Variants in ITPR2 observed in about 807,000 individuals in gnomAD.
ITPR2 encodes the protein inositol 1,4,5-trisphosphate-gated calcium channel ITPR2.
Under a neutral mutation model 317.1 loss-of-function variants are expected in ITPR2, and 207 were observed. That is an observed-to-expected ratio of 0.65 (90% CI 0.58 to 0.73). ITPR2 has a LOEUF of 0.73. Among genes scored for constraint, ITPR2 ranks in the 30% least tolerant of loss-of-function variants. The probability of loss-of-function intolerance (pLI) is 0.00; values close to 1 mark genes in which losing one functional copy is unlikely to be tolerated. For missense variants in ITPR2, 2,613 were observed against 3,284.0 expected, an observed-to-expected ratio of 0.80 and a Z score of 4.99; for synonymous variants, 1,156 against 1,149.1, an observed-to-expected ratio of 1.01 and a Z score of -0.12.
At position 26,489,668 on chromosome 12, in the gene ITPR2, T is replaced by C. The variant is rs189589833; in HGVS notation, c.5371-2417A>G. The stretch of plus-strand genomic sequence containing the variant: ...TCCTTATTGCTATCATTAGGTTCCA[T>C]TTGAAATTGTAATATAAGTACCTCC... On this transcript the variant is annotated intron_variant, in intron 39 of 56. Coordinates refer to ENST00000381340, the MANE Select transcript of ITPR2 (RefSeq NM_002223.4). 2.0e-5 allele frequency among the ~76,000 whole-genome samples: 3 copies of C among 152,326 alleles called. No individual in the cohort carries two copies. In the East Asian group the frequency reaches 5.8e-4, roughly 29 times the overall value.
chr12:26,371,934 T>C (rs1939201020), intron 55 of ITPR2, among the ~76,000 whole-genome samples: 2 of 152,178 alleles, frequency 1.3e-5, no homozygotes, highest in Admixed American at 6.5e-5. Context: ...AATCACATAA[T>C]TCCTCTACAT....
At chr12:26,821,250 C>A (rs578200717) in intron 1 of ITPR2, among the ~76,000 whole-genome samples, 2 of 152,320 alleles carry the variant, frequency 1.3e-5, no homozygotes, top group East Asian at 3.9e-4. Flanking sequence ...TTCTCCCATA[C>A]CACACTGCCC....
At chr12:26,516,315 A>AGGAAAGGAAAGGAAG (rs1943513297) in intron 37 of ITPR2, among the ~76,000 whole-genome samples, 6 of 137,756 alleles carry the variant, frequency 4.4e-5, no homozygotes, top group South Asian at 5.0e-4. Context: ...AGGAAAGGAA[A>AGGAAAGGAAAGGAAG]GGAAAGGAAA....
At chr12:26,367,578 G>T (rs556224556) in intron 55 of ITPR2, among the ~76,000 whole-genome samples, 1 of 152,136 alleles carries the variant, frequency 6.6e-6, no homozygotes, top group Non-Finnish European at 1.5e-5. Context: ...AACCTTTAAC[G>T]CAGATAGGGA....
intron 45 of ITPR2, among the ~76,000 whole-genome samples, chr12:26,445,409 C>T (rs1375458804): frequency 2.0e-5 from 3 of 151,962 alleles, no homozygotes; most frequent in African/African-American, 7.3e-5. Flanking sequence ...AGTGAGATCA[C>T]CTAAAAGTGA....
chr12:26,497,315 A>G (rs61914031), intron 37 of ITPR2, among the ~76,000 whole-genome samples: 105,187 of 151,396 alleles, frequency 0.69, 38,340 homozygotes, highest in Non-Finnish European at 0.83. Flanking sequence ...CACCACACCC[A>G]GCTAATTTTT....
intron 55 of ITPR2, among the ~76,000 whole-genome samples, chr12:26,364,457 G>A (rs931514025): frequency 2.0e-5 from 3 of 152,152 alleles, no homozygotes; most frequent in African/African-American, 7.2e-5. Flanking sequence ...GTAGATACTA[G>A]TCAGTGTTTC....
chr12:26,418,753 A>T (rs568451276), intron 50 of ITPR2, among the ~76,000 whole-genome samples: 1 of 152,272 alleles, frequency 6.6e-6, no homozygotes, highest in East Asian at 1.9e-4. Flanking sequence ...GTAAAGGGAA[A>T]TATTAGTTGG....
chr12:26,784,270 T>C (rs73298531), intron 2 of ITPR2, among the ~76,000 whole-genome samples: 324 of 48,762 alleles, frequency 6.6e-3, no homozygotes, highest in South Asian at 9.7e-3. Context: ...CCTCTCCCTC[T>C]CCCTCTCCCT....
At chr12:26,604,406 CCTGT>C (rs776334431) in intron 26 of ITPR2, among the ~76,000 whole-genome samples, 1 of 152,170 alleles carries the variant, frequency 6.6e-6, no homozygotes, top group Non-Finnish European at 1.5e-5. Context: ...TATCCACAAA[CCTGT>C]CTATCTTCCC....
chr12:26,785,577 G>C (rs1266098708), intron 2 of ITPR2, among the ~76,000 whole-genome samples: 1 of 40,228 alleles, frequency 2.5e-5, no homozygotes, highest in African/African-American at 6.5e-5. Context: ...CCCCCCGCCC[G>C]GCCAGCCGCC....
chr12:26,794,909 T>C (rs1196022442), intron 1 of ITPR2, among the ~76,000 whole-genome samples: 2 of 152,214 alleles, frequency 1.3e-5, no homozygotes, highest in Non-Finnish European at 2.9e-5. Context: ...CTCTTACATA[T>C]CCACATACTC....
chr12:26,481,064 A>C, intron 43 of ITPR2, 67 bp downstream of exon 43: 25 of 849,422 alleles, frequency 2.9e-5, no homozygotes, highest in Non-Finnish European at 4.6e-5. Context: ...GCTTTTGACA[A>C]GAGCTGCTTG....
At chr12:26,342,074 G>A (rs966847953) in intron 55 of ITPR2, among the ~76,000 whole-genome samples, 20 of 152,218 alleles carry the variant, frequency 1.3e-4, no homozygotes, top group African/African-American at 4.8e-4. Context: ...ACGGTAGTGT[G>A]GCTGGGCCAG....
intron 46 of ITPR2, among the ~76,000 whole-genome samples, chr12:26,439,751 G>A (rs1592025348): frequency 1.3e-5 from 2 of 152,144 alleles, no homozygotes; most frequent in East Asian, 3.9e-4. Flanking sequence ...GGTAACAAAT[G>A]ACATATTCAG....
intron 2 of ITPR2, among the ~76,000 whole-genome samples, chr12:26,782,070 A>AGAGCGC (rs1950106331): frequency 8.2e-6 from 1 of 122,610 alleles, no homozygotes; most frequent in Non-Finnish European, 1.7e-5. Context: ...AGAGAGAGAG[A>AGAGCGC]GAGCGAGAGA....
intron 18 of ITPR2, 146 bp from the exon 19 acceptor site, chr12:26,656,694 A>G (rs1947376020): frequency 6.3e-6 from 5 of 787,992 alleles, no homozygotes; most frequent in Non-Finnish European, 8.0e-6. Flanking sequence ...TAGTATGTTA[A>G]CCATTAAGAT....
chr12:26,746,288 G>A (rs934955217), intron 2 of ITPR2, among the ~76,000 whole-genome samples: 6 of 152,132 alleles, frequency 3.9e-5, no homozygotes, highest in Admixed American at 2.0e-4. Flanking sequence ...AAATATGCAT[G>A]CAAATGGAGG....
chr12:26,825,491 C>A (rs1052846387), intron 1 of ITPR2, among the ~76,000 whole-genome samples: 1 of 152,036 alleles, frequency 6.6e-6, no homozygotes, highest in South Asian at 2.1e-4. Flanking sequence ...AAGTTATCTA[C>A]ACACTATCTG....
Sources: allele counts gnomAD v4.1 joint callset (sites outside exome capture counted in the v4.1 genomes callset), GRCh38; gene constraint gnomAD v4.1.1; transcripts MANE v1.5; gene names NCBI Gene and HGNC (gene_info 2026-07-23, HGNC 2026-07-21).